Variants in ITGBL1 observed in about 807,000 individuals in gnomAD.
ITGBL1 encodes integrin beta-like protein 1.
ITGBL1 carries 51 observed loss-of-function variants against 68.5 expected under a neutral mutation model. The observed-to-expected ratio is 0.74, with a 90% confidence interval of 0.59 to 0.94. The LOEUF (loss-of-function observed/expected upper bound fraction) is 0.94. ITGBL1 is among the 40% of genes least tolerant of loss of function. The pLI is 0.00. For synonymous variants in ITGBL1, 209 were observed against 227.3 expected, an observed-to-expected ratio of 0.92 and a Z score of 0.72; for missense variants, 649 against 647.4, an observed-to-expected ratio of 1.00 and a Z score of -0.03.
chr13:101,702,683 A>G (rs1368099075), intron 8 of ITGBL1, among the ~76,000 whole-genome samples: 1 of 152,222 alleles, frequency 6.6e-6, no homozygotes, highest in East Asian at 1.9e-4. Flanking sequence ...TTACCAACCT[A>G]GGGTCAGTAA....
chr13:101,628,123 C>A (rs992553664), intron 7 of ITGBL1, among the ~76,000 whole-genome samples: 4 of 152,176 alleles, frequency 2.6e-5, no homozygotes, highest in African/African-American at 9.6e-5. Flanking sequence ...TTTCAGTGTT[C>A]TGGATTTGAG....
At position 101,488,011 on chromosome 13, in the gene ITGBL1, G is replaced by C. The variant is rs150852471; in HGVS notation, c.316+33911G>C. ...GAGGTGGTGATGGTAAGAATGCTGG[G>C]CTTCGGAGGAGGAGATCAAATGGGC... On this transcript the variant is annotated intron_variant, in intron 2 of 10. Transcript: ENST00000376180. Among the ~76,000 whole-genome samples, 49 of 152,292 alleles carry C rather than the reference G, an allele frequency of 3.2e-4. No homozygotes were observed. In the South Asian group the frequency reaches 0.01, roughly 32 times the overall value.
chr13:101,523,756 A>T (rs1259677735), intron 2 of ITGBL1, among the ~76,000 whole-genome samples: 1 of 152,188 alleles, frequency 6.6e-6, no homozygotes, highest in Non-Finnish European at 1.5e-5. Context: ...TGCAGAAAAA[A>T]AATTAAATCT....
At position 101,598,285 on chromosome 13, in the gene ITGBL1, CTTGCTCTGGGAGGGG is replaced by C; in HGVS notation, c.1003_1015+2del. On this transcript the variant is annotated splice_donor_variant and coding_sequence_variant, in exon 7 of 11. Transcript: ENST00000376180. LOFTEE classifies it high-confidence loss of function. ...AAGTGCCAGGGAAGCTCGGATCTGCCTTGCTCTGGGAGGGGTAAGTGAGGTCTCTCAGGGCTTCCC... is the reference window on the plus strand; with the variant it reads ...AAGTGCCAGGGAAGCTCGGATCTGCCTAAGTGAGGTCTCTCAGGGCTTCCC... 1 of 1,611,974 alleles carries C rather than the reference CTTGCTCTGGGAGGGG, an allele frequency of 6.2e-7. No individual in the cohort carries two copies. The highest frequency in any genetic ancestry group is 8.5e-7 in the Non-Finnish European group (1 of 1,179,146).
intron 7 of ITGBL1, among the ~76,000 whole-genome samples, chr13:101,679,472 A>G (rs942261160): frequency 3.9e-5 from 6 of 152,172 alleles, no homozygotes; most frequent in African/African-American, 1.2e-4. Context: ...CTGATGACCA[A>G]TCAATGGGTT....
chr13:101,465,415 G>A (rs1194059539), intron 2 of ITGBL1, among the ~76,000 whole-genome samples: 1 of 152,046 alleles, frequency 6.6e-6, no homozygotes, highest in Non-Finnish European at 1.5e-5. Context: ...TATCTTTGAG[G>A]CAATAATAGC....
At position 101,483,190 on chromosome 13, in the gene ITGBL1, G is replaced by T. The variant is rs56011517; in HGVS notation, c.316+29090G>T. ...CACAGCACCCTGTCCAGTGGACAGA[G>T]AAATTATCTCACCTGGAATCCTCTT... On this transcript the variant is annotated intron_variant, in intron 2 of 10. Coordinates refer to ENST00000376180, the MANE Select transcript of ITGBL1 (RefSeq NM_004791.3). Among the ~76,000 whole-genome samples, 577 of 127,278 alleles carry T rather than the reference G, an allele frequency of 4.5e-3. 2 individuals are homozygous for T. The highest frequency in any genetic ancestry group is 8.5e-3 in the Non-Finnish European group (452 of 53,096). The allele number at this position is 127,278 out of a possible 152,430, so 83.5% of individuals were successfully genotyped here.
At chr13:101,541,929 A>C (rs1429746418) in intron 2 of ITGBL1, among the ~76,000 whole-genome samples, 1 of 151,802 alleles carries the variant, frequency 6.6e-6, no homozygotes, top group African/African-American at 2.4e-5. Flanking sequence ...TATTGCTTCT[A>C]TTTGATTCTT....
At chr13:101,553,786 C>T (rs967570339) in intron 2 of ITGBL1, among the ~76,000 whole-genome samples, 2 of 151,880 alleles carry the variant, frequency 1.3e-5, no homozygotes, top group African/African-American at 4.8e-5. Flanking sequence ...TATTTCCCCC[C>T]TTTTTTTGAG....
intron 7 of ITGBL1, among the ~76,000 whole-genome samples, 194 bp downstream of exon 7, chr13:101,598,493 G>A (rs1365757115): frequency 6.6e-6 from 1 of 151,782 alleles, no homozygotes; most frequent in Non-Finnish European, 1.5e-5. Flanking sequence ...GTGCAGGTTT[G>A]TTACATATGT....
intron 2 of ITGBL1, among the ~76,000 whole-genome samples, chr13:101,487,839 C>G (rs1205512985): frequency 6.6e-6 from 1 of 152,204 alleles, no homozygotes; most frequent in East Asian, 1.9e-4. Context: ...TATTTCCTTA[C>G]AGTTCATTAA....
intron 2 of ITGBL1, chr13:101,490,025 T>C: frequency 1.5e-6 from 2 of 1,326,228 alleles, no homozygotes; most frequent in Non-Finnish European, 2.1e-6. Context: ...TCATTAAATT[T>C]TATTAGCATT....
intron 7 of ITGBL1, among the ~76,000 whole-genome samples, chr13:101,617,446 A>G (rs1427904713): frequency 1.3e-5 from 2 of 152,120 alleles, no homozygotes; most frequent in Non-Finnish European, 2.9e-5. Context: ...GTGTGTATCC[A>G]TGAGAAGGAT....
In ITGBL1 at chr13:101,452,919, C is replaced by T. The variant is rs980393392; in HGVS notation, c.86C>T (p.Ser29Leu). 4 of 1,614,010 alleles carry T rather than the reference C, an allele frequency of 2.5e-6. No individual in the cohort carries two copies. Among genetic ancestry groups the T allele is most frequent in the South Asian group, 1.1e-5 (1 of 91,080 alleles). ...TTGTCAGCTGTTCCTCAAAGCTTCT[C>T]GCCATCTCTGAGGTAAGTTTGGTTT... is the stretch of plus-strand genomic sequence containing the variant. ...AGLSAVPQSF[S>L]PSLRSWPGAA... Residue 29 changes from serine to leucine, a missense_variant, in exon 1 of 11, where the codon TCG (serine) becomes TTG (leucine). Ser to Leu is a moderately radical substitution (Grantham distance 145, BLOSUM62 -2). Transcript: ENST00000376180.
At chr13:101,530,213 G>T (rs899661687) in intron 2 of ITGBL1, among the ~76,000 whole-genome samples, 1 of 151,888 alleles carries the variant, frequency 6.6e-6, no homozygotes, top group African/African-American at 2.4e-5. Flanking sequence ...ATGACTAAAT[G>T]CAGGTTAATG....
intron 2 of ITGBL1, among the ~76,000 whole-genome samples, chr13:101,567,076 G>A (rs2050193544): frequency 6.6e-6 from 1 of 152,050 alleles, no homozygotes; most frequent in African/African-American, 2.4e-5. Flanking sequence ...TAACATTACT[G>A]ATCACAACAA....
intron 2 of ITGBL1, among the ~76,000 whole-genome samples, chr13:101,536,869 G>A (rs2049586368): frequency 6.6e-6 from 1 of 151,936 alleles, no homozygotes; most frequent in Admixed American, 6.6e-5. Flanking sequence ...GATGTCACTG[G>A]AGCATATTTA....
intron 2 of ITGBL1, among the ~76,000 whole-genome samples, chr13:101,526,169 T>TTA (rs1272257145): frequency 6.6e-6 from 1 of 150,944 alleles, no homozygotes; most frequent in East Asian, 1.9e-4. Context: ...TTTTTTTTTT[T>TTA]AAATACTTTA....
intron 9 of ITGBL1, 105 bp downstream of exon 9, chr13:101,707,007 A>T: frequency 8.3e-7 from 1 of 1,199,060 alleles, no homozygotes; most frequent in Non-Finnish European, 1.2e-6. Context: ...GCATGAAAGC[A>T]AACCACTATG....
Sources: gnomAD v4.1 joint callset for allele counts (sites outside exome capture counted in the v4.1 genomes callset) on GRCh38, gnomAD v4.1.1 for gene constraint, MANE v1.5 for transcripts, NCBI Gene and HGNC (gene_info 2026-07-23, HGNC 2026-07-21) for gene names.